GTF2IRD1: variants seen among roughly 807,000 people sequenced by gnomAD.
GTF2IRD1 encodes general transcription factor II-I repeat domain-containing protein 1.
GTF2IRD1 carries 26 observed loss-of-function variants against 113.2 expected under a neutral mutation model. That is an observed-to-expected ratio of 0.23 (90% CI 0.17 to 0.32). The LOEUF is 0.32. Ranked by LOEUF, GTF2IRD1 falls within the 10% of genes least tolerant of loss-of-function variation. The probability of loss-of-function intolerance (pLI) is 1.00; values close to 1 mark genes in which losing one functional copy is unlikely to be tolerated. For synonymous variants in GTF2IRD1, 484 were observed against 529.1 expected (o/e 0.91, Z 1.17); for missense variants, 864 against 1,280.8 (o/e 0.67, Z 4.97).
intron 22 of GTF2IRD1, among the ~76,000 whole-genome samples, chr7:74,583,089 T>G (rs1801510356): frequency 6.6e-6 from 1 of 152,196 alleles, no homozygotes; most frequent in East Asian, 1.9e-4. Context: ...CTGAGCTTGA[T>G]GTTGACTGAG....
intron 1 of GTF2IRD1, 80 bp downstream of exon 1, chr7:74,454,256 C>CT (rs1792795716): frequency 8.7e-6 from 1 of 114,826 alleles, no homozygotes; most frequent in African/African-American, 2.9e-5. Context: ...TCCCCTCCGC[C>CT]TCCGGGGGGG....
intron 22 of GTF2IRD1, among the ~76,000 whole-genome samples, chr7:74,560,836 C>A (rs1474288530): frequency 2.6e-5 from 4 of 152,012 alleles, no homozygotes; most frequent in African/African-American, 9.7e-5. Flanking sequence ...CTGCCTCAGC[C>A]TCCCAAAGTG....
At chr7:74,566,906 T>G (rs1398841573) in intron 22 of GTF2IRD1, among the ~76,000 whole-genome samples, 1 of 152,168 alleles carries the variant, frequency 6.6e-6, no homozygotes, top group Non-Finnish European at 1.5e-5. Context: ...CCACCACCCC[T>G]CTGGTCTCAT....
In GTF2IRD1 at chr7:74,472,949, G is replaced by A. The variant is rs553568888; in HGVS notation, c.-7+18773G>A. On this transcript the variant is annotated intron_variant, in intron 1 of 26. Coordinates refer to ENST00000424337, the MANE Select transcript of GTF2IRD1 (RefSeq NM_005685.4). Reference sequence around the variant, plus strand: ...CGTACCCTGGACAGGGCAGAGTTGGGTAGGGAAGGGAGAGTGGTCAGAGCA... The same window carrying A: ...CGTACCCTGGACAGGGCAGAGTTGGATAGGGAAGGGAGAGTGGTCAGAGCA... Among the ~76,000 whole-genome samples the A allele has an allele frequency of 3.3e-5, 5 of 152,324 alleles. No individual in the cohort carries two copies. In the East Asian group the frequency reaches 9.6e-4, roughly 29 times the overall value.
intron 3 of GTF2IRD1, among the ~76,000 whole-genome samples, chr7:74,514,311 C>A (rs1375645936): frequency 6.6e-6 from 1 of 152,112 alleles, no homozygotes; most frequent in African/African-American, 2.4e-5. Flanking sequence ...GCCAGCCCCC[C>A]ACCCCCCTCA....
At chr7:74,535,027 C>A in intron 9 of GTF2IRD1, 86 bp from the exon 10 acceptor site, 1 of 1,112,582 alleles carries the variant, frequency 9.0e-7, no homozygotes. Flanking sequence ...TGACCATCAC[C>A]AAAGGGGACT....
At chr7:74,583,488 G>A (rs1386971408) in intron 22 of GTF2IRD1, among the ~76,000 whole-genome samples, 5 of 147,304 alleles carry the variant, frequency 3.4e-5, no homozygotes, top group African/African-American at 7.5e-5. Flanking sequence ...CACTACATCC[G>A]GCCAGTTCTT....
intron 22 of GTF2IRD1, among the ~76,000 whole-genome samples, chr7:74,572,255 C>G (rs199539329): frequency 3.3e-4 from 50 of 152,258 alleles, no homozygotes; most frequent in African/African-American, 1.2e-3. Context: ...AGGAACAGGT[C>G]CCTTTTTGCC....
chr7:74,565,092 A>T (rs781869598), intron 22 of GTF2IRD1, among the ~76,000 whole-genome samples: 5 of 152,064 alleles, frequency 3.3e-5, no homozygotes, highest in Admixed American at 6.5e-5. Flanking sequence ...CCCAACTCAT[A>T]CCAGAAGGAA....
At chr7:74,537,476 ACTACATGCATACACACCTAC>A (rs1436075617) in intron 11 of GTF2IRD1, among the ~76,000 whole-genome samples, 3 of 151,832 alleles carry the variant, frequency 2.0e-5, no homozygotes, top group African/African-American at 7.3e-5. Context: ...ATACATACCT[ACTACATGCATACACACCTAC>A]CTACATGCAT....
chr7:74,546,245 G>A (rs374317017), intron 16 of GTF2IRD1, among the ~76,000 whole-genome samples: 37 of 144,446 alleles, frequency 2.6e-4, no homozygotes, highest in Admixed American at 1.8e-3. Flanking sequence ...TTTTTGAGGC[G>A]GAGTCTCACT....
Position 74,519,452 on chromosome 7 carries a change from C to G in GTF2IRD1, c.649C>G (p.Leu217Val). Reference protein sequence around the residue: ...GGRDSKALVELNGVSLIPKGS... With the variant: ...GGRDSKALVEVNGVSLIPKGS... ...GCGGGACTCGAAGGCCCTGGTGGAG[C>G]TGAACGGTGTCTCCCTGATTCCCAA... Residue 217 changes from leucine to valine, a missense_variant, in exon 6 of 27, where the codon CTG (leucine) becomes GTG (valine). Physicochemically the swap from Leu to Val is conservative, Grantham distance 32. Coordinates refer to ENST00000424337, the MANE Select transcript of GTF2IRD1 (RefSeq NM_005685.4). 1.3e-6 allele frequency: 2 copies of G among 1,571,220 alleles called. No individual in the cohort carries two copies. Among genetic ancestry groups the G allele is most frequent in the African/African-American group, 2.7e-5 (2 of 73,810 alleles).
At chr7:74,592,822 C>T (rs782583654) in intron 24 of GTF2IRD1, among the ~76,000 whole-genome samples, 17 of 151,512 alleles carry the variant, frequency 1.1e-4, no homozygotes, top group East Asian at 1.9e-4. Context: ...CTTGAGCCAC[C>T]GTACCCGGCC....
At chr7:74,460,984 G>A (rs1554329028) in intron 1 of GTF2IRD1, among the ~76,000 whole-genome samples, 1 of 151,336 alleles carries the variant, frequency 6.6e-6, no homozygotes, top group African/African-American at 2.4e-5. Flanking sequence ...GAAATGGGGG[G>A]AAAGTAAGGG....
At chr7:74,536,843 G>A (rs1798326133) in intron 11 of GTF2IRD1, among the ~76,000 whole-genome samples, 1 of 152,054 alleles carries the variant, frequency 6.6e-6, no homozygotes, top group Non-Finnish European at 1.5e-5. Context: ...GGACTTGGTG[G>A]CTCACTCCTG....
intron 1 of GTF2IRD1, among the ~76,000 whole-genome samples, chr7:74,467,790 T>C (rs1793816025): frequency 6.6e-6 from 1 of 152,154 alleles, no homozygotes; most frequent in Non-Finnish European, 1.5e-5. Context: ...GACTCCTGGT[T>C]TCAAGCGATT....
In GTF2IRD1 at chr7:74,536,286, G is replaced by T. The variant is rs370974338; in HGVS notation, c.1409+11G>T. On this transcript the variant is annotated intron_variant, in intron 11 of 26. Coordinates refer to ENST00000424337, the MANE Select transcript of GTF2IRD1 (RefSeq NM_005685.4). ...TGCTGGGAATGCTCGGTGAGGCCCC[G>T]CCCCTGGCCCCGGAGGCCCGCGGCC... is the stretch of plus-strand genomic sequence containing the variant. The T allele has an allele frequency of 1.9e-6, 3 of 1,546,472 alleles. No individual in the cohort carries two copies. In the Admixed American group the frequency reaches 5.0e-5, roughly 26 times the overall value.
chr7:74,515,296 C>T, intron 3 of GTF2IRD1, 145 bp from the exon 4 acceptor site: 2 of 1,504,118 alleles, frequency 1.3e-6, no homozygotes, highest in Non-Finnish European at 1.8e-6. Flanking sequence ...CTTGCTCACT[C>T]ATTAATTCTT....
intron 22 of GTF2IRD1, among the ~76,000 whole-genome samples, chr7:74,564,188 G>A (rs587622905): frequency 2.0e-5 from 3 of 152,126 alleles, no homozygotes; most frequent in South Asian, 2.1e-4. Flanking sequence ...CATGACACTC[G>A]GCTAATTTTT....
Sources: allele counts gnomAD v4.1 joint callset (sites outside exome capture counted in the v4.1 genomes callset), GRCh38; gene constraint gnomAD v4.1.1; transcripts MANE v1.5; gene names NCBI Gene and HGNC (gene_info 2026-07-23, HGNC 2026-07-21).